PSMA1: variants seen among roughly 807,000 people sequenced by gnomAD.
The protein encoded by PSMA1 is proteasome subunit alpha type-1.
PSMA1 carries 3 observed loss-of-function variants against 38.4 expected under a neutral mutation model. The ratio of observed to expected loss-of-function variants is 0.08; its 90% CI spans 0.04 to 0.20. PSMA1 has a LOEUF of 0.20. Among genes scored for constraint, PSMA1 ranks in the 10% least tolerant of loss-of-function variants. The pLI is 1.00. For synonymous variants in PSMA1, 101 were observed against 107.1 expected (o/e 0.94, Z 0.35); for missense variants, 227 against 325.3 (o/e 0.70, Z 2.32).
At chr11:14,594,672 T>C (rs888453775) in intron 2 of PSMA1, among the ~76,000 whole-genome samples, 7 of 152,222 alleles carry the variant, frequency 4.6e-5, no homozygotes, top group African/African-American at 1.4e-4. Context: ...TATTTTTCCA[T>C]AGCACAATGT....
Position 14,543,948 on chromosome 11 carries a change from T to G in PSMA1, c.22-24907A>C, listed in dbSNP as rs115279185. ...AAAGTTTTCGGCATATTCACAGAGT[T>G]GTACAACCCTCACATAGGCAGTAAC... On this transcript the variant is annotated intron_variant, in intron 2 of 10. Coordinates refer to the PSMA1 transcript ENST00000418988. Among the ~76,000 whole-genome samples the G allele has an allele frequency of 6.9e-3, 1,056 of 152,342 alleles. 10 individuals are homozygous for G. Among genetic ancestry groups the G allele is most frequent in the African/African-American group, 0.024 (1,002 of 41,586 alleles).
chr11:14,630,329 G>A lies in PSMA1; in HGVS notation c.-166+13126C>T, dbSNP rs1337522905. On this transcript the variant is annotated intron_variant, in intron 1 of 10. Coordinates refer to the PSMA1 transcript ENST00000418988. ...TCATAGATAGCTCTTATTATTTTGA[G>A]ATACGTCCCATCAATACCTAATTTA... is the stretch of plus-strand genomic sequence containing the variant. Among the ~76,000 whole-genome samples, 6 of 152,262 alleles carry A rather than the reference G, an allele frequency of 3.9e-5. No individual in the cohort carries two copies. The East Asian group carries it at 5.8e-4, about 15-fold the overall frequency.
intron 2 of PSMA1, among the ~76,000 whole-genome samples, chr11:14,533,728 A>C (rs1477983909): frequency 6.6e-6 from 1 of 151,876 alleles, no homozygotes; most frequent in East Asian, 1.9e-4. Context: ...CAGACTTCTA[A>C]CTTTTGAGGA....
chr11:14,515,799 C>T (rs1851416072), intron 4 of PSMA1, among the ~76,000 whole-genome samples: 1 of 151,808 alleles, frequency 6.6e-6, no homozygotes, highest in Non-Finnish European at 1.5e-5. Context: ...GGTGATCCAC[C>T]CGCTTCAGCC....
chr11:14,626,791 G>A (rs1308929190), intron 1 of PSMA1, among the ~76,000 whole-genome samples: 1 of 152,122 alleles, frequency 6.6e-6, no homozygotes, highest in Non-Finnish European at 1.5e-5. Context: ...ATCTTTTTTA[G>A]GACAGCTCCT....
At chr11:14,568,307 G>T (rs1273652980) in intron 2 of PSMA1, among the ~76,000 whole-genome samples, 1 of 152,164 alleles carries the variant, frequency 6.6e-6, no homozygotes, top group South Asian at 2.1e-4. Context: ...CCTTTGCTCA[G>T]CTTCCACTGC....
intron 2 of PSMA1, among the ~76,000 whole-genome samples, chr11:14,598,297 T>C (rs983754702): frequency 6.6e-6 from 1 of 152,154 alleles, no homozygotes; most frequent in Non-Finnish European, 1.5e-5. Context: ...AATTTCTGGA[T>C]ATGCTTGTTA....
At chr11:14,604,708 C>G (rs1440282411) in intron 2 of PSMA1, among the ~76,000 whole-genome samples, 3 of 152,108 alleles carry the variant, frequency 2.0e-5, no homozygotes, top group East Asian at 3.9e-4. Flanking sequence ...ACCCTTGCCC[C>G]CTTCCCTCCC....
intron 2 of PSMA1, among the ~76,000 whole-genome samples, chr11:14,586,431 C>CA (rs1284387251): frequency 0.014 from 1,959 of 138,244 alleles, 44 homozygotes; most frequent in African/African-American, 0.046. Flanking sequence ...GACTCTGTCT[C>CA]AAAAAAAAAA....
rs188091366 is a variant in PSMA1 at position 14,551,504 on chromosome 11, A to G, written c.22-32463T>C. Reference sequence around the variant, plus strand: ...GGACAAATGTTGACAGTGTTCATCCAAGTGCTGTCAGGGGGAAGAGAGTCC... The same window carrying G: ...GGACAAATGTTGACAGTGTTCATCCGAGTGCTGTCAGGGGGAAGAGAGTCC... On this transcript the variant is annotated intron_variant, in intron 2 of 10. Transcript: ENST00000418988. Among the ~76,000 whole-genome samples the G allele has an allele frequency of 3.2e-3, 488 of 152,304 alleles. 5 individuals are homozygous for G. The highest frequency in any genetic ancestry group is 0.029 in the South Asian group (138 of 4,826).
intron 2 of PSMA1, among the ~76,000 whole-genome samples, chr11:14,593,794 A>G (rs918585619): frequency 1.3e-5 from 2 of 152,192 alleles, no homozygotes; most frequent in African/African-American, 4.8e-5. Flanking sequence ...GTAAATCTCC[A>G]GTGGGTGAGT....
chr11:14,617,063 G>A (rs1431447053), intron 1 of PSMA1, among the ~76,000 whole-genome samples: 1 of 152,210 alleles, frequency 6.6e-6, no homozygotes, highest in East Asian at 1.9e-4. Context: ...AAGAACAGAA[G>A]TTATCTTCTT....
At chr11:14,554,707 G>T (rs958756433) in intron 2 of PSMA1, among the ~76,000 whole-genome samples, 11 of 152,084 alleles carry the variant, frequency 7.2e-5, no homozygotes, top group Non-Finnish European at 1.5e-4. Context: ...CTTTACAGTA[G>T]CCTTAACATG....
intron 2 of PSMA1, among the ~76,000 whole-genome samples, chr11:14,567,381 A>C (rs1223898052): frequency 6.6e-6 from 1 of 152,234 alleles, no homozygotes; most frequent in African/African-American, 2.4e-5. Flanking sequence ...CTCAGATTTG[A>C]GCATGGCAGA....
intron 1 of PSMA1, among the ~76,000 whole-genome samples, chr11:14,611,862 C>T (rs1036703314): frequency 6.6e-5 from 10 of 152,116 alleles, no homozygotes; most frequent in Non-Finnish European, 1.0e-4. Context: ...AACATTGATA[C>T]CTTATTTTGA....
chr11:14,559,645 G>A (rs1851986614), intron 2 of PSMA1, among the ~76,000 whole-genome samples: 1 of 152,230 alleles, frequency 6.6e-6, no homozygotes, highest in Non-Finnish European at 1.5e-5. Flanking sequence ...GGGTTGCAAG[G>A]AAACAAGGTG....
chr11:14,560,945 A>G (rs898871742), intron 2 of PSMA1, among the ~76,000 whole-genome samples: 10 of 152,224 alleles, frequency 6.6e-5, no homozygotes, highest in African/African-American at 2.4e-4. Flanking sequence ...TACATACGAT[A>G]TGCAAGCATA....
chr11:14,618,140 G>C (rs1460778695), intron 1 of PSMA1, among the ~76,000 whole-genome samples: 5 of 152,146 alleles, frequency 3.3e-5, no homozygotes, highest in African/African-American at 1.2e-4. Flanking sequence ...TTATCTTCCA[G>C]ACATCAGATT....
chr11:14,637,831 G>A (rs1189116168), intron 1 of PSMA1, among the ~76,000 whole-genome samples: 1 of 152,080 alleles, frequency 6.6e-6, no homozygotes, highest in Non-Finnish European at 1.5e-5. Context: ...ATAGTAAAAA[G>A]GCAGACTTAG....
Sources: allele counts gnomAD v4.1 joint callset (sites outside exome capture counted in the v4.1 genomes callset), GRCh38; gene constraint gnomAD v4.1.1; transcripts MANE v1.5; gene names NCBI Gene and HGNC (gene_info 2026-07-23, HGNC 2026-07-21).